The following GRIK4 variants were observed in gnomAD, a reference collection of about 807,000 sequenced individuals.
GRIK4 encodes the protein glutamate receptor ionotropic, kainate 4.
A neutral mutation model predicts 104.9 loss-of-function variants in GRIK4; 40 were observed. The ratio of observed to expected loss-of-function variants is 0.38; its 90% CI spans 0.30 to 0.50. The LOEUF is 0.50. Among genes scored for constraint, GRIK4 ranks in the 20% least tolerant of loss-of-function variants. The pLI, the probability that GRIK4 is intolerant of heterozygous loss-of-function variation, is 0.93. For missense variants in GRIK4, 1,047 were observed against 1,308.1 expected (o/e 0.80, Z 3.08); for synonymous variants, 485 against 524.9 (o/e 0.92, Z 1.04).
At chr11:120,884,920 T>C (rs1272180059) in intron 11 of GRIK4, among the ~76,000 whole-genome samples, 1 of 152,252 alleles carries the variant, frequency 6.6e-6, no homozygotes, top group African/African-American at 2.4e-5. Flanking sequence ...TGCTACTGAC[T>C]TCAGTGTCCT....
At chr11:120,845,049 A>G (rs963783170) in intron 8 of GRIK4, among the ~76,000 whole-genome samples, 114 of 152,334 alleles carry the variant, frequency 7.5e-4, no homozygotes, top group African/African-American at 2.7e-3. Flanking sequence ...GCTGACTCAT[A>G]GAGCCAGAAC....
intron 3 of GRIK4, among the ~76,000 whole-genome samples, chr11:120,674,904 T>G (rs1950075056): frequency 6.6e-6 from 1 of 152,230 alleles, no homozygotes; most frequent in Non-Finnish European, 1.5e-5. Flanking sequence ...ATCTCAGGCA[T>G]GCAGCCTGGA....
chr11:120,602,676 T>A (rs1300767645), intron 1 of GRIK4, among the ~76,000 whole-genome samples: 1 of 152,164 alleles, frequency 6.6e-6, no homozygotes, highest in Non-Finnish European at 1.5e-5. Context: ...CTCGCCTTAG[T>A]TTTCTGGCTG....
At chr11:120,821,198 T>G (rs1218340179) in intron 6 of GRIK4, among the ~76,000 whole-genome samples, 2 of 152,192 alleles carry the variant, frequency 1.3e-5, no homozygotes, top group Non-Finnish European at 2.9e-5. Context: ...CCAGAGTGGT[T>G]TATGCTAAGT....
At chr11:120,638,719 C>T (rs536504254) in intron 1 of GRIK4, among the ~76,000 whole-genome samples, 2 of 151,530 alleles carry the variant, frequency 1.3e-5, no homozygotes, top group South Asian at 2.1e-4. Flanking sequence ...CCTCGTGATC[C>T]GCCCGTCTCG....
intron 16 of GRIK4, among the ~76,000 whole-genome samples, chr11:120,957,577 G>T (rs967110055): frequency 2.8e-5 from 4 of 145,024 alleles, no homozygotes; most frequent in Middle Eastern, 3.6e-3. Flanking sequence ...GGGGGCAAAG[G>T]AAAGACAAAA....
At chr11:120,753,378 T>G (rs1268169696) in intron 3 of GRIK4, among the ~76,000 whole-genome samples, 1 of 149,790 alleles carries the variant, frequency 6.7e-6, no homozygotes, top group Non-Finnish European at 1.5e-5. Context: ...TGAATTAGGG[T>G]GGGAAAATCA....
rs562575060 is a variant in GRIK4 at position 120,822,358 on chromosome 11, C to A, written c.511+2438C>A. 8.5e-5 allele frequency among the ~76,000 whole-genome samples: 13 copies of A among 152,082 alleles called. No homozygotes were observed. The South Asian group carries it at 2.5e-3, about 29-fold the overall frequency. ...TCAGCTAGAGAAGAAGAAAGGGAGG[C>A]CCAGAAGGTAGCTTGGTTTGGCTAG... On this transcript the variant is annotated intron_variant, in intron 6 of 20. Coordinates refer to ENST00000527524, the MANE Select transcript of GRIK4 (RefSeq NM_014619.5).
intron 3 of GRIK4, among the ~76,000 whole-genome samples, chr11:120,779,796 G>A (rs1199049870): frequency 1.3e-5 from 2 of 152,188 alleles, no homozygotes; most frequent in Non-Finnish European, 2.9e-5. Flanking sequence ...AGCTAGGCAG[G>A]TAGTATTTCT....
At chr11:120,769,505 G>C (rs1951900038) in intron 3 of GRIK4, among the ~76,000 whole-genome samples, 1 of 152,018 alleles carries the variant, frequency 6.6e-6, no homozygotes, top group Non-Finnish European at 1.5e-5. Flanking sequence ...TTATATAATT[G>C]TATGTGTCAT....
At chr11:120,802,592 T>G (rs1952640690) in intron 3 of GRIK4, 101 bp from the exon 4 acceptor site, 2 of 1,003,800 alleles carry the variant, frequency 2.0e-6, no homozygotes, top group Non-Finnish European at 3.1e-6. Flanking sequence ...CTTGGGGTGC[T>G]GCCTGGAAGA....
chr11:120,522,749 C>T (rs910027245), intron 1 of GRIK4, among the ~76,000 whole-genome samples: 2 of 152,200 alleles, frequency 1.3e-5, no homozygotes, highest in Admixed American at 6.5e-5. Context: ...GACCCTTCCC[C>T]AAACTGAAAT....
At position 120,874,164 on chromosome 11, in the gene GRIK4, C is replaced by A; in HGVS notation, c.1005C>A (p.Cys335Ter). ...AGATCGGCGTGAAGCCCTTGTCCTG[C>A]GGCTCGGCCCAGATCTGGCAGCACG... The part of the protein sequence containing the change: ...SQEIGVKPLS[C>*]GSAQIWQHGT... The change falls in exon 10 of 21, where the codon TGC (cysteine) becomes TGA (stop). Residue 335 changes from cysteine to a stop codon, truncating the protein, a stop_gained. Coordinates refer to ENST00000527524, the MANE Select transcript of GRIK4 (RefSeq NM_014619.5). LOFTEE classifies it high-confidence loss of function. 1 of 1,613,674 alleles carries A rather than the reference C, an allele frequency of 6.2e-7. No homozygotes were observed. Among genetic ancestry groups the A allele is most frequent in the Non-Finnish European group, 8.5e-7 (1 of 1,179,916 alleles).
chr11:120,973,270 T>C (rs1377531973), intron 19 of GRIK4, among the ~76,000 whole-genome samples: 2 of 151,972 alleles, frequency 1.3e-5, no homozygotes, highest in Admixed American at 1.3e-4. Flanking sequence ...GTGCTGACAG[T>C]AGAGTTCAGG....
At chr11:120,815,829 C>T (rs1800048647) in intron 5 of GRIK4, among the ~76,000 whole-genome samples, 1 of 152,164 alleles carries the variant, frequency 6.6e-6, no homozygotes, top group African/African-American at 2.4e-5. Context: ...AGCGTCCACT[C>T]TCGTGTCCAC....
intron 3 of GRIK4, among the ~76,000 whole-genome samples, chr11:120,708,893 G>T (rs1326661283): frequency 6.7e-6 from 1 of 149,754 alleles, no homozygotes; most frequent in Admixed American, 6.6e-5. Context: ...TTGCTTGCAG[G>T]ACTCCAGCAA....
intron 3 of GRIK4, among the ~76,000 whole-genome samples, chr11:120,766,284 A>T (rs1168746098): frequency 6.6e-6 from 1 of 152,156 alleles, no homozygotes; most frequent in African/African-American, 2.4e-5. Flanking sequence ...AACCTCAGTA[A>T]TGGCAAACGC....
At chr11:120,634,633 A>T (rs1265064149) in intron 1 of GRIK4, among the ~76,000 whole-genome samples, 2 of 152,184 alleles carry the variant, frequency 1.3e-5, no homozygotes, top group Non-Finnish European at 1.5e-5. Flanking sequence ...TGAGTCTGTC[A>T]GATGGGAGAC....
At chr11:120,624,281 G>A (rs776771194) in intron 1 of GRIK4, among the ~76,000 whole-genome samples, 17 of 152,166 alleles carry the variant, frequency 1.1e-4, no homozygotes, top group Non-Finnish European at 1.8e-4. Context: ...GCTCAAGAGC[G>A]GACTGTCTAG....
Sources: allele counts gnomAD v4.1 joint callset (sites outside exome capture counted in the v4.1 genomes callset), GRCh38; gene constraint gnomAD v4.1.1; transcripts MANE v1.5; gene names NCBI Gene and HGNC (gene_info 2026-07-23, HGNC 2026-07-21).